Variants in RNLS observed in about 807,000 individuals in gnomAD.
RNLS encodes renalase, FAD dependent amine oxidase, also known as renalase.
Under a neutral mutation model 39.8 loss-of-function variants are expected in RNLS, and 39 were observed. The observed-to-expected ratio is 0.98, with a 90% CI of 0.76 to 1.28. The LOEUF (loss-of-function observed/expected upper bound fraction) is 1.28, where lower values mean the gene tolerates loss of function less well. Ranked by LOEUF, RNLS falls within the 50% of genes most tolerant of loss-of-function variation. The pLI is 0.00. For synonymous variants in RNLS, 147 were observed against 150.7 expected, an observed-to-expected ratio of 0.98 and a Z score of 0.18; for missense variants, 410 against 413.3, an observed-to-expected ratio of 0.99 and a Z score of 0.07.
At chr10:88,397,629 G>C (rs1350912075) in intron 4 of RNLS, among the ~76,000 whole-genome samples, 1 of 151,756 alleles carries the variant, frequency 6.6e-6, no homozygotes, top group Non-Finnish European at 1.5e-5. Context: ...TTAGAATACA[G>C]ATAAACAAAA....
At chr10:88,432,773 T>A (rs1935582) in intron 4 of RNLS, among the ~76,000 whole-genome samples, 79,737 of 151,860 alleles carry the variant, frequency 0.53, 23,546 homozygotes, top group African/African-American at 0.79. Flanking sequence ...AGGGGCATTC[T>A]ATGAATGGGC....
chr10:88,506,109 T>A (rs1845777575), intron 4 of RNLS, among the ~76,000 whole-genome samples: 1 of 151,976 alleles, frequency 6.6e-6, no homozygotes, highest in Admixed American at 6.6e-5. Flanking sequence ...CTGAATTTAA[T>A]AAGGAAACAG....
chr10:88,532,425 T>C (rs1847485454), intron 4 of RNLS, among the ~76,000 whole-genome samples: 1 of 152,018 alleles, frequency 6.6e-6, no homozygotes, highest in Non-Finnish European at 1.5e-5. Flanking sequence ...GATTTTTCCA[T>C]AATCTAGTTT....
At chr10:88,411,151 A>G (rs955620265) in intron 4 of RNLS, among the ~76,000 whole-genome samples, 5 of 152,086 alleles carry the variant, frequency 3.3e-5, no homozygotes, top group African/African-American at 1.2e-4. Context: ...CAATTAGCCA[A>G]CCCCATGGCT....
At chr10:88,559,400 A>G (rs1252463544) in intron 4 of RNLS, among the ~76,000 whole-genome samples, 1 of 152,082 alleles carries the variant, frequency 6.6e-6, no homozygotes, top group Non-Finnish European at 1.5e-5. Context: ...AGTATTTTTG[A>G]TGAACTAAGA....
intron 4 of RNLS, among the ~76,000 whole-genome samples, chr10:88,431,043 T>G (rs1855107133): frequency 6.6e-6 from 1 of 151,732 alleles, no homozygotes; most frequent in African/African-American, 2.4e-5. Context: ...AAGAATTGTG[T>G]AGGATTGGTA....
At chr10:88,522,654 A>G (rs1278331396) in intron 4 of RNLS, among the ~76,000 whole-genome samples, 1 of 152,078 alleles carries the variant, frequency 6.6e-6, no homozygotes. Flanking sequence ...TAGGCCCACA[A>G]ACTAAAAATT....
At chr10:88,293,007 C>T (rs1843782843) in intron 6 of RNLS, among the ~76,000 whole-genome samples, 1 of 152,084 alleles carries the variant, frequency 6.6e-6, no homozygotes, top group Admixed American at 6.5e-5. Context: ...TGAGATCATG[C>T]CATTGCACTC....
chr10:88,387,189 C>T (rs1293461329), intron 4 of RNLS, among the ~76,000 whole-genome samples: 2 of 152,132 alleles, frequency 1.3e-5, no homozygotes, highest in Admixed American at 6.6e-5. Flanking sequence ...TGGAACTGCT[C>T]CAAACCCAGA....
intron 5 of RNLS, among the ~76,000 whole-genome samples, chr10:88,346,141 A>T (rs6586126): frequency 6.6e-6 from 1 of 151,954 alleles, no homozygotes; most frequent in African/African-American, 2.4e-5. Context: ...TGGCACATTT[A>T]CAGAGCTTAT....
chr10:88,503,100 G>A (rs1242452986), intron 4 of RNLS, among the ~76,000 whole-genome samples: 1 of 152,140 alleles, frequency 6.6e-6, no homozygotes, highest in Non-Finnish European at 1.5e-5. Flanking sequence ...CATTGTCCTG[G>A]TCAGGTGTGG....
intron 4 of RNLS, among the ~76,000 whole-genome samples, chr10:88,449,020 G>C (rs1842205890): frequency 6.6e-6 from 1 of 152,082 alleles, no homozygotes; most frequent in South Asian, 2.1e-4. Flanking sequence ...GAGGGAGAAG[G>C]GATAGGATTA....
chr10:88,462,956 A>G (rs1204580402), intron 4 of RNLS, among the ~76,000 whole-genome samples: 3 of 152,076 alleles, frequency 2.0e-5, no homozygotes, highest in Admixed American at 2.0e-4. Context: ...TTAAAAGTAC[A>G]TGATGGATTT....
the RNLS span, among the ~76,000 whole-genome samples, chr10:88,176,915 T>C: frequency 6.6e-6 from 1 of 152,232 alleles, no homozygotes; most frequent in East Asian, 1.9e-4. Context: ...GAATATATCA[T>C]TTCATTCTTT....
chr10:88,396,955 A>C (rs1852600153), intron 4 of RNLS, among the ~76,000 whole-genome samples: 1 of 151,990 alleles, frequency 6.6e-6, no homozygotes, highest in African/African-American at 2.4e-5. Flanking sequence ...AATGTGCACC[A>C]AACAACAGGG....
chr10:88,287,644 T>C (rs1843366322), intron 6 of RNLS, among the ~76,000 whole-genome samples: 1 of 152,094 alleles, frequency 6.6e-6, no homozygotes, highest in African/African-American at 2.4e-5. Context: ...TGACTCACAG[T>C]TCCAAATGGC....
At chr10:88,354,621 G>A (rs942497336) in intron 5 of RNLS, among the ~76,000 whole-genome samples, 4 of 152,142 alleles carry the variant, frequency 2.6e-5, no homozygotes, top group African/African-American at 9.7e-5. Flanking sequence ...AGGGTAACCG[G>A]ACCTTTCTCT....
chr10:88,559,054 G>GA lies in RNLS; in HGVS notation c.526+13848dup, dbSNP rs1368106118. ...AAACTCTTTTCAGCAAAATGTCAAG[G>GA]AAAAAATCAAGAATTAGAAACGTCT... On this transcript the variant is annotated intron_variant, in intron 4 of 6. Coordinates refer to ENST00000331772, the MANE Select transcript of RNLS (RefSeq NM_001031709.3). Among the ~76,000 whole-genome samples, 6 of 152,110 alleles carry GA rather than the reference G, an allele frequency of 3.9e-5. No individual in the cohort carries two copies. The South Asian group carries it at 8.3e-4, about 21-fold the overall frequency.
At chr10:88,265,323 C>CTTTTTTTTTT in the RNLS span, among the ~76,000 whole-genome samples, 6 of 59,062 alleles carry the variant, frequency 1.0e-4, no homozygotes, top group East Asian at 5.1e-4. Context: ...CAGGGTTTTT[C>CTTTTTTTTTT]TTTTTTTTTT....
Sources: allele counts gnomAD v4.1 joint callset (sites outside exome capture counted in the v4.1 genomes callset), GRCh38; gene constraint gnomAD v4.1.1; transcripts MANE v1.5; gene names NCBI Gene and HGNC (gene_info 2026-07-23, HGNC 2026-07-21).